The following EZH2 variants were observed in gnomAD, a reference collection of about 807,000 sequenced individuals.
The protein encoded by EZH2 is enhancer of zeste 2 polycomb repressive complex 2 subunit.
A neutral mutation model predicts 98.4 loss-of-function variants in EZH2; 18 were observed. The observed-to-expected ratio is 0.18, with a 90% CI of 0.13 to 0.27. EZH2 has a LOEUF of 0.27. Among genes scored for constraint, EZH2 ranks in the 10% least tolerant of loss-of-function variants. The pLI is 1.00. For synonymous variants in EZH2, 338 were observed against 312.3 expected, an observed-to-expected ratio of 1.08 and a Z score of -0.87; for missense variants, 470 against 935.1, an observed-to-expected ratio of 0.50 and a Z score of 6.49.
intron 1 of EZH2, among the ~76,000 whole-genome samples, chr7:148,859,853 A>G (rs1255733060): frequency 6.6e-6 from 1 of 152,218 alleles, no homozygotes; most frequent in African/African-American, 2.4e-5. Flanking sequence ...CAGAATTTTG[A>G]TCAGGCATTA....
At chr7:148,839,107 A>AGGAAGGAG (rs1307399209) in intron 3 of EZH2, among the ~76,000 whole-genome samples, 1 of 150,064 alleles carries the variant, frequency 6.7e-6, no homozygotes, top group East Asian at 1.9e-4. Context: ...GAAGGAAGGA[A>AGGAAGGAG]AGTGAGTGAG....
At chr7:148,867,819 A>G (rs1222456429) in intron 1 of EZH2, among the ~76,000 whole-genome samples, 1 of 152,220 alleles carries the variant, frequency 6.6e-6, no homozygotes, top group Non-Finnish European at 1.5e-5. Flanking sequence ...CAGCCAGGCC[A>G]CTTCTTGAAC....
At chr7:148,819,829 A>G in intron 8 of EZH2, 142 bp from the exon 9 acceptor site, 2 of 673,404 alleles carry the variant, frequency 3.0e-6, no homozygotes, top group Middle Eastern at 4.1e-4. Flanking sequence ...ACTTTCCTTC[A>G]GGCTCTTACT....
At chr7:148,824,303 A>C (rs1469991023) in intron 8 of EZH2, among the ~76,000 whole-genome samples, 1 of 132,444 alleles carries the variant, frequency 7.6e-6, no homozygotes, top group Non-Finnish European at 1.6e-5. Flanking sequence ...CAACAGAACG[A>C]GACTTCGTCT....
chr7:148,846,628 G>C (rs1225959040), intron 2 of EZH2, 30 bp from the exon 3 acceptor site: 3 of 1,597,720 alleles, frequency 1.9e-6, no homozygotes, highest in Non-Finnish European at 2.6e-6. Flanking sequence ...GAGAGGAAAG[G>C]AGAAATTGTT....
intron 1 of EZH2, among the ~76,000 whole-genome samples, chr7:148,875,752 T>A (rs1055833826): frequency 2.6e-5 from 4 of 152,194 alleles, no homozygotes; most frequent in African/African-American, 7.2e-5. Flanking sequence ...AGGAAAGACA[T>A]ACAAATGGTG....
chr7:148,847,680 G>T (rs1814515553), intron 1 of EZH2, among the ~76,000 whole-genome samples: 1 of 146,296 alleles, frequency 6.8e-6, no homozygotes, highest in Non-Finnish European at 1.5e-5. Context: ...ATCATTAGCT[G>T]TTACAGTAGC....
Position 148,807,622 on chromosome 7 carries a change from G to C in EZH2, c.*24C>G, listed in dbSNP as rs765595441. The C allele has an allele frequency of 6.7e-7, 1 of 1,489,368 alleles. No homozygotes were observed. Among genetic ancestry groups the C allele is most frequent in the Admixed American group, 2.1e-5 (1 of 46,914 alleles). The allele number at this position is 1,489,368 out of a possible 1,614,324, so 92.3% of individuals were successfully genotyped here. A position where few individuals can be genotyped will look rare whatever the true frequency, so the allele number is the denominator to read the frequency against. ...CTGAAGCTAAGGCAGCTGTTTCAGA[G>C]GAGGGGGGAGGAGGTAGCAGATGTC... On this transcript the variant is annotated 3_prime_UTR_variant, in exon 20 of 20. Coordinates refer to ENST00000320356, the MANE Select transcript of EZH2 (RefSeq NM_004456.5).
chr7:148,833,960 C>T (rs1442675670), intron 3 of EZH2, among the ~76,000 whole-genome samples: 1 of 152,126 alleles, frequency 6.6e-6, no homozygotes, highest in African/African-American at 2.4e-5. Flanking sequence ...CCTTGAAACA[C>T]CATATTTCAT....
At chr7:148,814,300 G>A (rs931030793) in intron 14 of EZH2, among the ~76,000 whole-genome samples, 163 bp from the exon 15 acceptor site, 1 of 152,070 alleles carries the variant, frequency 6.6e-6, no homozygotes, top group Non-Finnish European at 1.5e-5. Flanking sequence ...TAACAGCGAA[G>A]TTATAGCTGT....
intron 16 of EZH2, among the ~76,000 whole-genome samples, chr7:148,810,890 C>G (rs1802848374): frequency 1.8e-5 from 2 of 108,786 alleles, no homozygotes; most frequent in East Asian, 2.8e-4. Context: ...GAGCGAAACT[C>G]TGTCTCAAAA....
intron 1 of EZH2, among the ~76,000 whole-genome samples, chr7:148,850,103 C>G (rs1466824917): frequency 1.2e-4 from 19 of 152,168 alleles, no homozygotes; most frequent in Non-Finnish European, 2.9e-5. Flanking sequence ...ACTGCAAGCT[C>G]TGCCTCCCGG....
chr7:148,883,133 A>AC (rs1281017177), intron 1 of EZH2: 1 of 152,240 alleles, frequency 6.6e-6, no homozygotes, highest in African/African-American at 2.4e-5. Flanking sequence ...GATGTATCAC[A>AC]CAAGTTGGCC....
At chr7:148,861,224 G>T (rs1401912994) in intron 1 of EZH2, among the ~76,000 whole-genome samples, 3 of 133,896 alleles carry the variant, frequency 2.2e-5, no homozygotes, top group South Asian at 2.4e-4. Context: ...TGTATTATTT[G>T]TATCTTTTTT....
In EZH2 at chr7:148,816,582, T is replaced by C. The variant is rs28496832; in HGVS notation, c.1505+102A>G. ...TTTTTGATGGCAGTTTAAGGTTTTT[T>C]AAAAATAGACTAAGTAGAAACCAAC... On this transcript the variant is annotated intron_variant, in intron 12 of 19. Coordinates refer to ENST00000320356, the MANE Select transcript of EZH2 (RefSeq NM_004456.5). The C allele has an allele frequency of 7.5e-6, 6 of 800,782 alleles. No homozygotes were observed. In the Middle Eastern group the frequency reaches 1.8e-3, roughly 235 times the overall value. 49.6% of individuals were successfully genotyped at this position (800,782 alleles called of 1,614,324 possible). A position where few individuals can be genotyped will look rare whatever the true frequency, so the allele number is the denominator to read the frequency against.
chr7:148,810,003 A>G (rs551509251), intron 17 of EZH2, among the ~76,000 whole-genome samples: 1 of 152,234 alleles, frequency 6.6e-6, no homozygotes, highest in Non-Finnish European at 1.5e-5. Context: ...GCTCAGAGGC[A>G]CTGACTGGAG....
intron 10 of EZH2, chr7:148,817,613 A>G (rs1048732036): frequency 3.0e-6 from 2 of 662,974 alleles, no homozygotes; most frequent in East Asian, 5.5e-5. Flanking sequence ...CTACCTGAGA[A>G]AGATCGAAAA....
At chr7:148,865,907 A>C (rs1478543426) in intron 1 of EZH2, among the ~76,000 whole-genome samples, 2 of 152,176 alleles carry the variant, frequency 1.3e-5, no homozygotes, top group Non-Finnish European at 2.9e-5. Context: ...AGTTCTGTAT[A>C]TGCCACAGCC....
intron 1 of EZH2, among the ~76,000 whole-genome samples, chr7:148,854,129 T>C (rs1013193902): frequency 2.0e-5 from 3 of 152,230 alleles, no homozygotes; most frequent in African/African-American, 7.2e-5. Flanking sequence ...CCATAGGTAT[T>C]GTCAGAGCCC....
Sources: gnomAD v4.1 joint callset for allele counts (sites outside exome capture counted in the v4.1 genomes callset) on GRCh38, gnomAD v4.1.1 for gene constraint, MANE v1.5 for transcripts, NCBI Gene and HGNC (gene_info 2026-07-23, HGNC 2026-07-21) for gene names.